Variants in SLC26A4 observed in about 807,000 individuals in gnomAD.
SLC26A4 encodes the protein solute carrier family 26 member 4.
Under a neutral mutation model 90.4 loss-of-function variants are expected in SLC26A4, and 93 were observed. The observed-to-expected ratio is 1.03, with a 90% CI of 0.87 to 1.22. The LOEUF is 1.22. Among genes scored for constraint, SLC26A4 ranks in the 50% most tolerant of loss-of-function variants. The pLI is 0.00. For synonymous variants in SLC26A4, 393 were observed against 354.6 expected (o/e 1.11, Z -1.22); for missense variants, 1,127 against 946.2 (o/e 1.19, Z -2.51).
At chr7:107,685,689 A>T (rs1418576040) in intron 8 of SLC26A4, among the ~76,000 whole-genome samples, 2 of 152,160 alleles carry the variant, frequency 1.3e-5, no homozygotes, top group African/African-American at 4.8e-5. Context: ...CCCCACTAGG[A>T]TTCACTCATT....
chr7:107,682,517 G>A (rs1297204858), intron 6 of SLC26A4, among the ~76,000 whole-genome samples: 1 of 152,068 alleles, frequency 6.6e-6, no homozygotes, highest in Non-Finnish European at 1.5e-5. Context: ...AAAGAATGAA[G>A]TCAGTCTACC....
intron 3 of SLC26A4, among the ~76,000 whole-genome samples, chr7:107,666,362 C>A (rs997146181): frequency 1.3e-5 from 2 of 152,140 alleles, no homozygotes; most frequent in Non-Finnish European, 2.9e-5. Context: ...GCTGGAACTA[C>A]AGGCATGTGC....
intron 6 of SLC26A4, among the ~76,000 whole-genome samples, chr7:107,682,746 T>G (rs6953220): frequency 0.72 from 108,469 of 151,650 alleles, 39,126 homozygotes; most frequent in Non-Finnish European, 0.78. Context: ...TTATCAGCCT[T>G]TAGTCTCAAT....
chr7:107,693,085 G>A (rs1791622374), intron 10 of SLC26A4: 1 of 156,590 alleles, frequency 6.4e-6, no homozygotes. Flanking sequence ...GTAATTGCAT[G>A]CAAGGAAGGA....
At chr7:107,706,091 C>A (rs112321124) in intron 18 of SLC26A4, among the ~76,000 whole-genome samples, 11 of 152,156 alleles carry the variant, frequency 7.2e-5, no homozygotes, top group Non-Finnish European at 8.8e-5. Context: ...AAATATTGAA[C>A]AGGGCTACAG....
At chr7:107,713,325 C>T (rs1034217784) in intron 20 of SLC26A4, among the ~76,000 whole-genome samples, 1 of 152,198 alleles carries the variant, frequency 6.6e-6, no homozygotes, top group Non-Finnish European at 1.5e-5. Context: ...CAGACATTGG[C>T]CACTAGCGGC....
At chr7:107,664,378 T>C (rs1338220556) in intron 3 of SLC26A4, among the ~76,000 whole-genome samples, 2 of 152,202 alleles carry the variant, frequency 1.3e-5, no homozygotes, top group African/African-American at 4.8e-5. Flanking sequence ...GCTACAGGCA[T>C]GTGCCACCAT....
At chr7:107,664,381 G>T (rs1438083472) in intron 3 of SLC26A4, among the ~76,000 whole-genome samples, 4 of 152,170 alleles carry the variant, frequency 2.6e-5, no homozygotes, top group Non-Finnish European at 5.9e-5. Context: ...ACAGGCATGT[G>T]CCACCATGTC....
At chr7:107,693,791 C>G (rs545979159) in intron 10 of SLC26A4, 1 of 839,438 alleles carries the variant, frequency 1.2e-6, no homozygotes, top group East Asian at 1.0e-4. Context: ...TCTGAGCCTG[C>G]CTCCGTGGAA....
At chr7:107,685,017 A>C (rs1257992080) in intron 8 of SLC26A4, among the ~76,000 whole-genome samples, 1 of 152,156 alleles carries the variant, frequency 6.6e-6, no homozygotes, top group Non-Finnish European at 1.5e-5. Context: ...TCCTGAGAAC[A>C]GATTTCTAGC....
chr7:107,706,223 A>G (rs149070823), intron 18 of SLC26A4, among the ~76,000 whole-genome samples: 2 of 152,380 alleles, frequency 1.3e-5, no homozygotes, highest in African/African-American at 4.8e-5. Context: ...GTTTGGTCTC[A>G]AACTTGGCCT....
chr7:107,672,204 T>A lies in SLC26A4; in HGVS notation c.371T>A (p.Ile124Asn), dbSNP rs886061883. 35 of 1,611,950 alleles carry A rather than the reference T, an allele frequency of 2.2e-5. No individual in the cohort carries two copies. Among genetic ancestry groups the A allele is most frequent in the Non-Finnish European group, 3.0e-5 (35 of 1,178,212 alleles). Reference protein sequence around the residue: ...GYGLYSAFFPILTYFIFGTSR... With the variant: ...GYGLYSAFFPNLTYFIFGTSR... ...GGTCTCTACTCTGCTTTTTTCCCTA[T>A]CCTGACATACTTTATCTTTGGAACA... Residue 124 changes from isoleucine (I) to asparagine (N), a missense_variant, in exon 4 of 21, where the codon ATC (isoleucine) becomes AAC (asparagine). Transcript: ENST00000644269.
rs1340518734 is a variant in SLC26A4 at position 107,683,514 on chromosome 7, C to T, written c.978C>T (p.Gly326=). The T allele has an allele frequency of 2.5e-6, 4 of 1,613,648 alleles. No individual in the cohort carries two copies. The highest frequency in any genetic ancestry group is 3.4e-6 in the Non-Finnish European group (4 of 1,179,764). ...ACCTGGAAAAAAATTACAATGCTGG[C>T]ATTGTTAAATCCATCCCAAGGGGGT... ...GANLEKNYNA[G]IVKSIPRGFL... Residue 326 remains glycine, a synonymous_variant, in exon 8 of 21, where the codon GGC becomes GGT. Coordinates refer to ENST00000644269, the MANE Select transcript of SLC26A4 (RefSeq NM_000441.2).
chr7:107,672,261 A>G lies in SLC26A4; in HGVS notation c.415+13A>G. ...CATATCTCAGTTGGTAATTATAAGT[A>G]TATTTTACAATTATATTTGCTCATG... On this transcript the variant is annotated intron_variant, in intron 4 of 20. Coordinates refer to ENST00000644269, the MANE Select transcript of SLC26A4 (RefSeq NM_000441.2). The G allele has an allele frequency of 1.4e-6, 2 of 1,474,402 alleles. No individual in the cohort carries two copies. Among genetic ancestry groups the G allele is most frequent in the African/African-American group, 1.4e-5 (1 of 72,290 alleles). 91.3% of individuals were successfully genotyped at this position (1,474,402 alleles called of 1,614,324 possible).
In SLC26A4 at chr7:107,670,403, G is replaced by A. The variant is rs572539288; in HGVS notation, c.305-1735G>A. Reference sequence around the variant, plus strand: ...ATTACAGGTGTGACTCACCGCGCCCGGTCCCTCCGGCTTTTTTTAATGCGT... The same window carrying A: ...ATTACAGGTGTGACTCACCGCGCCCAGTCCCTCCGGCTTTTTTTAATGCGT... On this transcript the variant is annotated intron_variant, in intron 3 of 20. Coordinates refer to ENST00000644269, the MANE Select transcript of SLC26A4 (RefSeq NM_000441.2). 6.6e-5 allele frequency among the ~76,000 whole-genome samples: 10 copies of A among 152,080 alleles called. No individual in the cohort carries two copies. The East Asian group carries it at 1.4e-3, about 21-fold the overall frequency.
chr7:107,698,082 A>G lies in SLC26A4; in HGVS notation c.1585A>G (p.Ile529Val), dbSNP rs754621862. 2 of 1,610,688 alleles carry G rather than the reference A, an allele frequency of 1.2e-6. No individual in the cohort carries two copies. The highest frequency in any genetic ancestry group is 8.5e-7 in the Non-Finnish European group (1 of 1,176,936). The change falls in exon 14 of 21, where the codon ATC (isoleucine) becomes GTC (valine). Residue 529 changes from isoleucine (I) to valine (V), a missense_variant. By Grantham distance (29) the Ile-to-Val change is conservative. Transcript: ENST00000644269. The stretch of plus-strand genomic sequence containing the variant: ...CCTTGGAAGCATCCCTAGCACAGAT[A>G]TCTACAAAAGTACCAAGAATTACAA... ...NGLGSIPSTD[I>V]YKSTKNYKNI...
chr7:107,676,765 A>G (rs1791034309), intron 6 of SLC26A4, among the ~76,000 whole-genome samples: 2 of 152,228 alleles, frequency 1.3e-5, no homozygotes, highest in South Asian at 4.1e-4. Flanking sequence ...TAACGGTGCC[A>G]TAATCCCATA....
At chr7:107,691,476 T>G (rs1791572135) in intron 10 of SLC26A4, among the ~76,000 whole-genome samples, 1 of 146,976 alleles carries the variant, frequency 6.8e-6, no homozygotes, top group Admixed American at 6.9e-5. Context: ...CATTCCAGCC[T>G]GGGCGACAAG....
At chr7:107,701,348 T>A in intron 16 of SLC26A4, 152 bp downstream of exon 16, 1 of 662,280 alleles carries the variant, frequency 1.5e-6, no homozygotes. Context: ...GCTATTCTTA[T>A]AGGCAAGCGG....
Sources: allele counts gnomAD v4.1 joint callset (sites outside exome capture counted in the v4.1 genomes callset), GRCh38; gene constraint gnomAD v4.1.1; transcripts MANE v1.5; gene names NCBI Gene and HGNC (gene_info 2026-07-23, HGNC 2026-07-21).